TRAPPC9: variants seen among roughly 807,000 people sequenced by gnomAD.
TRAPPC9 encodes the protein IKK2 binding protein.
In TRAPPC9, 83 loss-of-function variants were observed where a neutral mutation model predicts 124.0. The observed-to-expected ratio is 0.67, with a 90% confidence interval of 0.56 to 0.80. TRAPPC9 has a LOEUF of 0.80. Ranked by LOEUF, TRAPPC9 falls within the 30% of genes least tolerant of loss-of-function variation. TRAPPC9 has a pLI of 0.00. For missense variants in TRAPPC9, 1,302 were observed against 1,508.3 expected (o/e 0.86, Z 2.27); for synonymous variants, 638 against 617.5 (o/e 1.03, Z -0.49).
intron 21 of TRAPPC9, among the ~76,000 whole-genome samples, chr8:139,761,980 A>G (rs899987472): frequency 6.6e-6 from 1 of 151,756 alleles, no homozygotes; most frequent in African/African-American, 2.4e-5. Flanking sequence ...TTACACTTGT[A>G]CAGGCAAAGC....
chr8:140,356,474 C>T (rs2067748612), intron 9 of TRAPPC9, among the ~76,000 whole-genome samples: 1 of 152,174 alleles, frequency 6.6e-6, no homozygotes, highest in Admixed American at 6.5e-5. Flanking sequence ...TCACCATGTC[C>T]CATGGAAACC....
At chr8:140,382,052 C>A (rs1187243868) in intron 7 of TRAPPC9, among the ~76,000 whole-genome samples, 6 of 152,138 alleles carry the variant, frequency 3.9e-5, no homozygotes, top group Non-Finnish European at 8.8e-5. Flanking sequence ...ATTCTTAATA[C>A]CCAAAGGGTG....
rs976950327 is a variant in TRAPPC9 at position 140,196,696 on chromosome 8, C to T, written c.2556+24763G>A. Reference sequence around the variant, plus strand: ...ACTCAACAATCCACTGTACAGATCACACGTGTGACACAAACACACAACGAT... The same window carrying T: ...ACTCAACAATCCACTGTACAGATCATACGTGTGACACAAACACACAACGAT... On this transcript the variant is annotated intron_variant, in intron 17 of 22. Transcript: ENST00000438773. 6.6e-5 allele frequency among the ~76,000 whole-genome samples: 10 copies of T among 151,730 alleles called. No individual in the cohort carries two copies. The South Asian group carries it at 8.3e-4, about 13-fold the overall frequency.
intron 19 of TRAPPC9, among the ~76,000 whole-genome samples, chr8:139,971,653 G>A (rs895017220): frequency 3.9e-5 from 6 of 151,924 alleles, no homozygotes; most frequent in African/African-American, 7.3e-5. Flanking sequence ...AGGCGTGCCT[G>A]GCAAGATGAC....
At chr8:139,797,299 G>A (rs112367241) in intron 21 of TRAPPC9, among the ~76,000 whole-genome samples, 9,800 of 152,020 alleles carry the variant, frequency 0.064, 424 homozygotes, top group East Asian at 0.14. Flanking sequence ...TTGGTCTGTC[G>A]CCCAGGCTGG....
At chr8:140,406,146 T>C (rs1314242561) in intron 5 of TRAPPC9, among the ~76,000 whole-genome samples, 1 of 152,162 alleles carries the variant, frequency 6.6e-6, no homozygotes, top group Admixed American at 6.5e-5. Flanking sequence ...GATAGTATGC[T>C]TTCTATGCCT....
intron 18 of TRAPPC9, chr8:140,008,614 G>A (rs1303903879): frequency 6.6e-6 from 1 of 152,262 alleles, no homozygotes; most frequent in Non-Finnish European, 1.5e-5. Context: ...CGCATGCGCT[G>A]GACAAACAGC....
intron 18 of TRAPPC9, among the ~76,000 whole-genome samples, chr8:139,998,166 A>C (rs1289947692): frequency 6.6e-6 from 1 of 152,256 alleles, no homozygotes; most frequent in Non-Finnish European, 1.5e-5. Context: ...AATCATTTTT[A>C]AAATGCTGAA....
intron 21 of TRAPPC9, among the ~76,000 whole-genome samples, chr8:139,879,607 G>A (rs1314497110): frequency 1.3e-5 from 2 of 152,166 alleles, no homozygotes; most frequent in Non-Finnish European, 2.9e-5. Context: ...CCCTCTGCCT[G>A]CAGGATCAGG....
chr8:139,763,441 T>C (rs1474993860), intron 21 of TRAPPC9, among the ~76,000 whole-genome samples: 2 of 152,146 alleles, frequency 1.3e-5, no homozygotes, highest in East Asian at 1.9e-4. Context: ...CGTGGGGACA[T>C]GTTAGTCCCC....
At chr8:140,194,068 C>T (rs1195583997) in intron 17 of TRAPPC9, among the ~76,000 whole-genome samples, 1 of 152,152 alleles carries the variant, frequency 6.6e-6, no homozygotes, top group Admixed American at 6.6e-5. Flanking sequence ...CCTAGCGCTC[C>T]CAGGGTTGAA....
intron 19 of TRAPPC9, among the ~76,000 whole-genome samples, chr8:139,924,430 T>C (rs1462806779): frequency 6.6e-6 from 1 of 152,168 alleles, no homozygotes; most frequent in Non-Finnish European, 1.5e-5. Context: ...AGGAAAGGCA[T>C]TCAAAGCCCC....
intron 17 of TRAPPC9, among the ~76,000 whole-genome samples, chr8:140,056,339 G>T (rs1262047233): frequency 6.6e-6 from 1 of 151,944 alleles, no homozygotes; most frequent in East Asian, 1.9e-4. Flanking sequence ...AAGTTCAGGA[G>T]TTTGAGGATG....
intron 21 of TRAPPC9, among the ~76,000 whole-genome samples, chr8:139,748,990 A>G (rs1341016381): frequency 6.6e-6 from 1 of 152,144 alleles, no homozygotes; most frequent in East Asian, 1.9e-4. Flanking sequence ...AGCAGGAGGA[A>G]GACATTTTCC....
At chr8:139,956,200 C>A (rs1442051447) in intron 19 of TRAPPC9, among the ~76,000 whole-genome samples, 2 of 151,660 alleles carry the variant, frequency 1.3e-5, no homozygotes, top group African/African-American at 4.9e-5. Flanking sequence ...CTCACACTGT[C>A]GCCTGGGCTG....
chr8:139,812,263 T>C (rs970783228), intron 21 of TRAPPC9, among the ~76,000 whole-genome samples: 1 of 152,204 alleles, frequency 6.6e-6, no homozygotes, highest in African/African-American at 2.4e-5. Flanking sequence ...ATAATCATAA[T>C]ACATGCTTGG....
At chr8:139,769,274 G>A (rs1218382730) in intron 21 of TRAPPC9, among the ~76,000 whole-genome samples, 1 of 152,206 alleles carries the variant, frequency 6.6e-6, no homozygotes, top group African/African-American at 2.4e-5. Flanking sequence ...TAGGCATAGT[G>A]AGAGACTTAC....
At chr8:139,865,392 C>T (rs1030056004) in intron 21 of TRAPPC9, among the ~76,000 whole-genome samples, 7 of 152,174 alleles carry the variant, frequency 4.6e-5, no homozygotes, top group Non-Finnish European at 8.8e-5. Flanking sequence ...TACTATAGAC[C>T]ACTCATTCAA....
intron 21 of TRAPPC9, among the ~76,000 whole-genome samples, chr8:139,829,148 A>G (rs1825815090): frequency 6.6e-6 from 1 of 152,236 alleles, no homozygotes; most frequent in African/African-American, 2.4e-5. Flanking sequence ...TGTAACATAC[A>G]TATGTGTACT....
Sources: allele counts gnomAD v4.1 joint callset (sites outside exome capture counted in the v4.1 genomes callset), GRCh38; gene constraint gnomAD v4.1.1; transcripts MANE v1.5; gene names NCBI Gene and HGNC (gene_info 2026-07-23, HGNC 2026-07-21).